The following ZNF804B variants were observed in gnomAD, a reference collection of about 807,000 sequenced individuals.
ZNF804B encodes the protein zinc finger 804B.
In ZNF804B, 80 loss-of-function variants were observed where a neutral mutation model predicts 101.4. The ratio of observed to expected loss-of-function variants is 0.79; its 90% CI spans 0.66 to 0.95. The LOEUF is 0.95. Among genes scored for constraint, ZNF804B ranks in the 40% least tolerant of loss-of-function variants. The pLI is 0.00. For missense variants in ZNF804B, 1,673 were observed against 1,561.9 expected (o/e 1.07, Z -1.20); for synonymous variants, 622 against 558.8 (o/e 1.11, Z -1.59).
chr7:89,167,140 G>A (rs1791156281), intron 1 of ZNF804B, among the ~76,000 whole-genome samples: 1 of 151,370 alleles, frequency 6.6e-6, no homozygotes, highest in Admixed American at 6.6e-5. Context: ...TTTTTGAATT[G>A]CCACAAATTT....
At chr7:89,080,108 G>A (rs751592111) in intron 1 of ZNF804B, among the ~76,000 whole-genome samples, 2 of 151,860 alleles carry the variant, frequency 1.3e-5, no homozygotes, top group Non-Finnish European at 2.9e-5. Context: ...TGATTAGAAG[G>A]CATTGCAATA....
intron 1 of ZNF804B, among the ~76,000 whole-genome samples, chr7:89,053,333 G>A (rs1020339394): frequency 2.0e-5 from 3 of 151,996 alleles, no homozygotes; most frequent in African/African-American, 7.2e-5. Context: ...GGTGTTTCTT[G>A]TCACTCTCTC....
chr7:89,131,056 C>T (rs1790539485), intron 1 of ZNF804B, among the ~76,000 whole-genome samples: 1 of 151,960 alleles, frequency 6.6e-6, no homozygotes, highest in Non-Finnish European at 1.5e-5. Flanking sequence ...CAGGGGAGCA[C>T]ATTTCATAAG....
chr7:89,086,207 C>T (rs1370980960), intron 1 of ZNF804B, among the ~76,000 whole-genome samples: 1 of 151,930 alleles, frequency 6.6e-6, no homozygotes, highest in African/African-American at 2.4e-5. Flanking sequence ...GATTCAGGTA[C>T]TGACAAAAAT....
intron 1 of ZNF804B, among the ~76,000 whole-genome samples, chr7:88,989,169 T>A (rs917484946): frequency 6.6e-6 from 1 of 151,972 alleles, no homozygotes; most frequent in African/African-American, 2.4e-5. Flanking sequence ...ACTTAATTTT[T>A]TGTATTTTAG....
intron 2 of ZNF804B, among the ~76,000 whole-genome samples, chr7:89,274,795 A>G (rs916384674): frequency 9.9e-5 from 15 of 151,844 alleles, no homozygotes; most frequent in Non-Finnish European, 1.6e-4. Context: ...CCCTTGTAGG[A>G]CATCACTCTA....
At chr7:88,932,868 G>A (rs1384260118) in intron 1 of ZNF804B, among the ~76,000 whole-genome samples, 2 of 151,248 alleles carry the variant, frequency 1.3e-5, no homozygotes, top group South Asian at 2.1e-4. Flanking sequence ...AGAAGAATTG[G>A]TAACATTCCT....
chr7:88,902,172 A>G (rs183810327), intron 1 of ZNF804B, among the ~76,000 whole-genome samples: 53 of 152,124 alleles, frequency 3.5e-4, no homozygotes, highest in Admixed American at 2.9e-3. Flanking sequence ...TACCTCATAC[A>G]TTGTATATAA....
chr7:89,169,338 T>A (rs1372853459), intron 1 of ZNF804B, among the ~76,000 whole-genome samples: 1 of 152,200 alleles, frequency 6.6e-6, no homozygotes, highest in Non-Finnish European at 1.5e-5. Flanking sequence ...GCCTGAGATT[T>A]ATATCCCAAT....
At chr7:88,875,644 G>A (rs1345306119) in intron 1 of ZNF804B, among the ~76,000 whole-genome samples, 1 of 151,908 alleles carries the variant, frequency 6.6e-6, no homozygotes, top group Non-Finnish European at 1.5e-5. Context: ...CCAATAACAG[G>A]CTCTGAAATT....
At chr7:89,159,426 T>C (rs970927639) in intron 1 of ZNF804B, among the ~76,000 whole-genome samples, 15 of 152,132 alleles carry the variant, frequency 9.9e-5, no homozygotes, top group African/African-American at 3.4e-4. Context: ...TACTATGATC[T>C]TGGACACATT....
intron 1 of ZNF804B, among the ~76,000 whole-genome samples, chr7:89,006,002 C>T (rs2116181908): frequency 6.6e-6 from 1 of 152,170 alleles, no homozygotes; most frequent in African/African-American, 2.4e-5. Context: ...GAACAATCTC[C>T]AGTTAATTCT....
At chr7:88,958,137 A>G (rs1793339031) in intron 1 of ZNF804B, among the ~76,000 whole-genome samples, 1 of 151,426 alleles carries the variant, frequency 6.6e-6, no homozygotes, top group Non-Finnish European at 1.5e-5. Flanking sequence ...TTATCATGGA[A>G]AACATGAGCT....
intron 1 of ZNF804B, among the ~76,000 whole-genome samples, chr7:89,016,076 T>A (rs1788550693): frequency 6.6e-6 from 1 of 152,226 alleles, no homozygotes; most frequent in Non-Finnish European, 1.5e-5. Flanking sequence ...TTTGCATTTC[T>A]CTGATAGCCA....
intron 1 of ZNF804B, among the ~76,000 whole-genome samples, chr7:88,773,856 C>T (rs1790105215): frequency 6.6e-6 from 1 of 151,996 alleles, no homozygotes; most frequent in Admixed American, 6.6e-5. Context: ...CCTGAGAACT[C>T]ATATCATGAG....
At chr7:89,106,240 A>G (rs1442149250) in intron 1 of ZNF804B, among the ~76,000 whole-genome samples, 2 of 152,168 alleles carry the variant, frequency 1.3e-5, no homozygotes, top group Non-Finnish European at 2.9e-5. Flanking sequence ...GATTTGTGAT[A>G]TATCACTTAC....
chr7:89,211,393 C>G (rs1190461208), intron 1 of ZNF804B, among the ~76,000 whole-genome samples: 1 of 151,954 alleles, frequency 6.6e-6, no homozygotes, highest in Non-Finnish European at 1.5e-5. Flanking sequence ...TCAATTTTTG[C>G]TTTTGTTGCA....
intron 1 of ZNF804B, among the ~76,000 whole-genome samples, chr7:88,857,132 G>A (rs10231606): frequency 0.045 from 6,789 of 151,940 alleles, 440 homozygotes; most frequent in African/African-American, 0.14. Flanking sequence ...GGAAATTTAT[G>A]GCACTAAATG....
At chr7:89,277,327 T>C (rs1027026660) in intron 2 of ZNF804B, among the ~76,000 whole-genome samples, 1 of 150,080 alleles carries the variant, frequency 6.7e-6, no homozygotes, top group Non-Finnish European at 1.5e-5. Flanking sequence ...TCTTTTTTTT[T>C]TCTTTTTTTT....
Sources: gnomAD v4.1 joint callset for allele counts (sites outside exome capture counted in the v4.1 genomes callset) on GRCh38, gnomAD v4.1.1 for gene constraint, MANE v1.5 for transcripts, NCBI Gene and HGNC (gene_info 2026-07-23, HGNC 2026-07-21) for gene names.